Variants in GPHN observed in about 807,000 individuals in gnomAD.
The protein encoded by GPHN is gephyrin.
GPHN carries 17 observed loss-of-function variants against 95.5 expected under a neutral mutation model. That is an observed-to-expected ratio of 0.18 (90% confidence interval 0.12 to 0.27). The LOEUF (loss-of-function observed/expected upper bound fraction) is 0.27. Ranked by LOEUF, GPHN falls within the 10% of genes least tolerant of loss-of-function variation. The pLI is 1.00. For missense variants in GPHN, 660 were observed against 978.1 expected, an observed-to-expected ratio of 0.67 and a Z score of 4.34; for synonymous variants, 320 against 322.5, an observed-to-expected ratio of 0.99 and a Z score of 0.08.
chr14:67,572,060 A>G, the GPHN span: 1 of 1,525,354 alleles, frequency 6.6e-7, no homozygotes, highest in Admixed American at 2.0e-5. Context: ...TGGGTGGTCA[A>G]GTCTCAGCAG....
At chr14:67,082,756 C>T (rs932948963) in intron 11 of GPHN, among the ~76,000 whole-genome samples, 1 of 152,034 alleles carries the variant, frequency 6.6e-6, no homozygotes, top group Non-Finnish European at 1.5e-5. Context: ...GCTGTCTTTC[C>T]ATTTACTTGT....
chr14:66,959,729 C>T (rs921437848), intron 8 of GPHN, among the ~76,000 whole-genome samples: 1 of 151,874 alleles, frequency 6.6e-6, no homozygotes. Context: ...TTAGTTTATC[C>T]TGCTTGGGAT....
chr14:66,678,312 T>C (rs2066730973), intron 1 of GPHN, among the ~76,000 whole-genome samples: 2 of 152,042 alleles, frequency 1.3e-5, no homozygotes, highest in African/African-American at 4.8e-5. Context: ...TGGGTTATTT[T>C]TAAAAACCTA....
chr14:67,493,106 T>C, the GPHN span, among the ~76,000 whole-genome samples: 1 of 152,118 alleles, frequency 6.6e-6, no homozygotes, highest in Non-Finnish European at 1.5e-5. Context: ...GGACAGTTAG[T>C]GAAGAGACCC....
chr14:67,109,695 T>TA (rs2078259003), intron 13 of GPHN, among the ~76,000 whole-genome samples: 1 of 152,242 alleles, frequency 6.6e-6, no homozygotes, highest in Admixed American at 6.5e-5. Flanking sequence ...GTTTAGTTAA[T>TA]AAAGTACTGC....
the GPHN span, chr14:67,592,730 T>C: frequency 5.4e-6 from 8 of 1,485,284 alleles, no homozygotes; most frequent in Non-Finnish European, 7.5e-6. Flanking sequence ...TGTAAGAAAA[T>C]AAATCAAATA....
At chr14:66,675,935 A>C (rs1205159682) in intron 1 of GPHN, among the ~76,000 whole-genome samples, 1 of 152,092 alleles carries the variant, frequency 6.6e-6, no homozygotes, top group Non-Finnish European at 1.5e-5. Context: ...CTATAAAAAC[A>C]TCACTGATTC....
At chr14:67,621,391 A>G in the GPHN span, among the ~76,000 whole-genome samples, 1 of 152,004 alleles carries the variant, frequency 6.6e-6, no homozygotes, top group African/African-American at 2.4e-5. Flanking sequence ...GCAGTAATAT[A>G]GGTCTTATAG....
At chr14:66,694,588 A>G (rs1171093680) in intron 2 of GPHN, among the ~76,000 whole-genome samples, 1 of 152,232 alleles carries the variant, frequency 6.6e-6, no homozygotes, top group East Asian at 1.9e-4. Flanking sequence ...TCATAGGACT[A>G]CATATAAAAC....
chr14:66,814,917 A>G (rs1364027838), intron 3 of GPHN, among the ~76,000 whole-genome samples: 1 of 152,220 alleles, frequency 6.6e-6, no homozygotes, highest in East Asian at 1.9e-4. Flanking sequence ...AAATCATGAT[A>G]AAACATGGCA....
intron 1 of GPHN, among the ~76,000 whole-genome samples, chr14:66,619,945 C>T (rs1207872563): frequency 6.6e-6 from 1 of 152,048 alleles, no homozygotes; most frequent in South Asian, 2.1e-4. Context: ...GTACAAGGAC[C>T]CTTACGGGCC....
chr14:66,523,164 T>G (rs916879054), intron 1 of GPHN, among the ~76,000 whole-genome samples: 5 of 152,064 alleles, frequency 3.3e-5, no homozygotes, highest in African/African-American at 1.2e-4. Flanking sequence ...ACACAGACAT[T>G]CATAACAAGT....
At chr14:67,090,148 G>A (rs1244497149) in intron 12 of GPHN, among the ~76,000 whole-genome samples, 2 of 152,024 alleles carry the variant, frequency 1.3e-5, no homozygotes, top group African/African-American at 4.8e-5. Context: ...TGTTTAAAAA[G>A]TTTTTCAGTT....
intron 8 of GPHN, among the ~76,000 whole-genome samples, chr14:66,925,696 ATG>A (rs1464856834): frequency 6.6e-6 from 1 of 151,970 alleles, no homozygotes; most frequent in Non-Finnish European, 1.5e-5. Flanking sequence ...CAGGTTGATA[ATG>A]CTGCAATACA....
At chr14:67,556,024 G>A in the GPHN span, 3 of 1,168,818 alleles carry the variant, frequency 2.6e-6, no homozygotes, top group Non-Finnish European at 2.4e-6. Flanking sequence ...TGTGCGTGGA[G>A]CTTTCTGTGG....
chr14:67,693,839 C>T, the GPHN span, among the ~76,000 whole-genome samples: 2 of 152,122 alleles, frequency 1.3e-5, no homozygotes, highest in Non-Finnish European at 2.9e-5. Context: ...TTAGTAGAGA[C>T]AGGGTTTCAC....
At chr14:67,047,352 G>GTGTGTGTGTGTA (rs1315922887) in intron 10 of GPHN, among the ~76,000 whole-genome samples, 3 of 139,602 alleles carry the variant, frequency 2.1e-5, no homozygotes, top group African/African-American at 7.8e-5. Flanking sequence ...GTGTGTGTGT[G>GTGTGTGTGTGTA]TGTGTGTGTG....
chr14:66,687,841 TCC>T (rs2067496072), intron 2 of GPHN, among the ~76,000 whole-genome samples: 1 of 152,220 alleles, frequency 6.6e-6, no homozygotes, highest in Admixed American at 6.5e-5. Context: ...TTTGTTTGTG[TCC>T]TCTTCAATTT....
chr14:67,360,382 G>C, the GPHN span: 5 of 396,254 alleles, frequency 1.3e-5, no homozygotes, highest in African/African-American at 8.2e-5. Context: ...GCCGGTGAGG[G>C]GGAAGCAAGT....
Sources: gnomAD v4.1 joint callset for allele counts (sites outside exome capture counted in the v4.1 genomes callset) on GRCh38, gnomAD v4.1.1 for gene constraint, MANE v1.5 for transcripts, NCBI Gene and HGNC (gene_info 2026-07-23, HGNC 2026-07-21) for gene names.